CAMSAP1: variants seen among roughly 807,000 people sequenced by gnomAD.
CAMSAP1 encodes calmodulin regulated spectrin associated protein 1, also known as calmodulin-regulated spectrin-associated protein 1.
Under a neutral mutation model 143.5 loss-of-function variants are expected in CAMSAP1, and 58 were observed. The ratio of observed to expected loss-of-function variants is 0.40; its 90% CI spans 0.33 to 0.50. The LOEUF is 0.50. Ranked by LOEUF, CAMSAP1 falls within the 20% of genes least tolerant of loss-of-function variation. CAMSAP1 has a pLI of 0.45. For synonymous variants in CAMSAP1, 945 were observed against 859.3 expected, an observed-to-expected ratio of 1.10 and a Z score of -1.74; for missense variants, 1,969 against 2,115.7, an observed-to-expected ratio of 0.93 and a Z score of 1.36.
intron 1 of CAMSAP1, among the ~76,000 whole-genome samples, chr9:135,903,596 C>T (rs1476667983): frequency 6.6e-6 from 1 of 152,248 alleles, no homozygotes; most frequent in Non-Finnish European, 1.5e-5. Flanking sequence ...CAAAACAAGA[C>T]AGCAGCCAGC....
intron 1 of CAMSAP1, among the ~76,000 whole-genome samples, chr9:135,889,255 T>C (rs1838220893): frequency 6.6e-6 from 1 of 152,152 alleles, no homozygotes; most frequent in Non-Finnish European, 1.5e-5. Context: ...CTGGGTGGAC[T>C]ACCTGCTAGA....
chr9:135,878,193 G>C (rs544182932), intron 3 of CAMSAP1, among the ~76,000 whole-genome samples: 5 of 152,320 alleles, frequency 3.3e-5, no homozygotes, highest in African/African-American at 9.6e-5. Flanking sequence ...CGGCCAGGAG[G>C]AGACGGGTGA....
intron 4 of CAMSAP1, chr9:135,865,417 T>C: frequency 6.5e-7 from 1 of 1,532,636 alleles, no homozygotes. Context: ...GCAGAGCAGG[T>C]CCACGTGTGG....
At chr9:135,847,257 A>G (rs1836588412) in intron 7 of CAMSAP1, among the ~76,000 whole-genome samples, 1 of 152,030 alleles carries the variant, frequency 6.6e-6, no homozygotes, top group African/African-American at 2.4e-5. Flanking sequence ...TGGGAGGCTG[A>G]GGCAGGAGAA....
chr9:135,873,645 C>T (rs1403900395), intron 3 of CAMSAP1, among the ~76,000 whole-genome samples: 1 of 152,122 alleles, frequency 6.6e-6, no homozygotes, highest in South Asian at 2.1e-4. Context: ...AAATATAAAC[C>T]TTATGCCAAT....
chr9:135,836,939 TAC>T (rs1836077548), intron 7 of CAMSAP1: 1 of 984,184 alleles, frequency 1.0e-6, no homozygotes, highest in South Asian at 4.7e-5. Flanking sequence ...CTACCCGTTC[TAC>T]AGACACACGT....
At chr9:135,855,090 G>T (rs1009439680) in intron 5 of CAMSAP1, among the ~76,000 whole-genome samples, 5 of 151,960 alleles carry the variant, frequency 3.3e-5, no homozygotes, top group African/African-American at 1.2e-4. Context: ...CTCCTGGGTT[G>T]AAGCAATTTT....
chr9:135,896,736 G>C (rs1838467352), intron 1 of CAMSAP1, among the ~76,000 whole-genome samples: 1 of 152,198 alleles, frequency 6.6e-6, no homozygotes, highest in African/African-American at 2.4e-5. Context: ...TTAAAAGTTT[G>C]AAATCATTGA....
rs970801045 is a variant in CAMSAP1 at position 135,809,067 on chromosome 9, A to G, written c.*2242T>C. ...ATAGGAGACATTGATAAACAGAGTT[A>G]TAAGTCAGTGTTATCAACTGCAAAA... On this transcript the variant is annotated 3_prime_UTR_variant, in exon 17 of 17. Coordinates refer to ENST00000389532, the MANE Select transcript of CAMSAP1 (RefSeq NM_015447.4). 6.6e-6 allele frequency: 1 copy of G among 152,256 alleles called. No homozygotes were observed. The highest frequency in any genetic ancestry group is 2.4e-5 in the African/African-American group (1 of 41,474). The allele number at this position is 152,256 out of a possible 1,614,324, so 9.4% of individuals were successfully genotyped here.
intron 5 of CAMSAP1, among the ~76,000 whole-genome samples, chr9:135,853,381 T>C (rs1264020532): frequency 1.3e-5 from 2 of 152,166 alleles, no homozygotes; most frequent in African/African-American, 4.8e-5. Flanking sequence ...AACGTTAGCT[T>C]TCCCAACTTT....
chr9:135,833,569 G>T (rs912979243), intron 7 of CAMSAP1, among the ~76,000 whole-genome samples: 3 of 152,202 alleles, frequency 2.0e-5, no homozygotes, highest in Admixed American at 1.3e-4. Flanking sequence ...GGAAAGGATA[G>T]TACCTTCAAT....
At chr9:135,867,720 C>T (rs989711943) in intron 3 of CAMSAP1, among the ~76,000 whole-genome samples, 1 of 152,180 alleles carries the variant, frequency 6.6e-6, no homozygotes, top group Non-Finnish European at 1.5e-5. Flanking sequence ...CAAACATTTG[C>T]TTGTAACTCT....
chr9:135,824,058 G>T lies in CAMSAP1; in HGVS notation c.1316-24C>A. On this transcript the variant is annotated intron_variant, in intron 9 of 16. Coordinates refer to ENST00000389532, the MANE Select transcript of CAMSAP1 (RefSeq NM_015447.4). The surrounding 1 kb of genome is among the most constrained non-coding windows in gnomAD (Gnocchi z 4.1). ...ATCTGCAGTACAGAGGAATTAGATA[G>T]TGTTAAGTAACCAATTTTCTATCAC... 2 of 1,550,780 alleles carry T rather than the reference G, an allele frequency of 1.3e-6. No individual in the cohort carries two copies. The highest frequency in any genetic ancestry group is 4.8e-5 in the East Asian group (2 of 42,008).
chr9:135,862,290 G>A (rs1837225243), intron 5 of CAMSAP1, among the ~76,000 whole-genome samples, 177 bp downstream of exon 5: 1 of 151,848 alleles, frequency 6.6e-6, no homozygotes. Context: ...TAAAATGCAG[G>A]TTAAGTATGA....
intron 4 of CAMSAP1, among the ~76,000 whole-genome samples, chr9:135,865,898 G>A (rs1327411860): frequency 6.6e-6 from 1 of 152,236 alleles, no homozygotes; most frequent in Non-Finnish European, 1.5e-5. Context: ...TGCATCTTGT[G>A]TGCACTGAAC....
At chr9:135,865,297 T>C (rs1837335792) in intron 4 of CAMSAP1, 7 of 1,549,442 alleles carry the variant, frequency 4.5e-6, no homozygotes, top group African/African-American at 2.7e-5. Flanking sequence ...AGGATGGCTC[T>C]GTAGATGGCA....
intron 3 of CAMSAP1, among the ~76,000 whole-genome samples, chr9:135,878,250 C>T (rs1488363573): frequency 6.6e-6 from 1 of 152,142 alleles, no homozygotes; most frequent in Non-Finnish European, 1.5e-5. Flanking sequence ...GGATGGCAGA[C>T]ATGCAGGTGG....
At chr9:135,883,814 T>C (rs985320276) in intron 1 of CAMSAP1, among the ~76,000 whole-genome samples, 10 of 152,158 alleles carry the variant, frequency 6.6e-5, no homozygotes, top group Non-Finnish European at 1.2e-4. Context: ...ACAGAGAAAG[T>C]AAGTGCTCAA....
At chr9:135,841,121 C>T (rs374657640) in intron 7 of CAMSAP1, among the ~76,000 whole-genome samples, 20 of 152,296 alleles carry the variant, frequency 1.3e-4, no homozygotes, top group African/African-American at 4.8e-4. Flanking sequence ...GCTGCCAGCA[C>T]AGTAGTCTGA....
Sources: gnomAD v4.1 joint callset for allele counts (sites outside exome capture counted in the v4.1 genomes callset) on GRCh38, gnomAD v4.1.1 for gene constraint, Gnocchi (gnomAD v3.1) non-coding constraint, MANE v1.5 for transcripts, NCBI Gene and HGNC (gene_info 2026-07-23, HGNC 2026-07-21) for gene names.